Variants in PEBP4 observed in about 807,000 individuals in gnomAD.
The protein encoded by PEBP4 is phosphatidylethanolamine-binding protein 4.
Under a neutral mutation model 23.9 loss-of-function variants are expected in PEBP4, and 22 were observed. That is an observed-to-expected ratio of 0.92 (90% CI 0.66 to 1.31). The LOEUF (loss-of-function observed/expected upper bound fraction) is 1.31, where lower values mean the gene tolerates loss of function less well. Among genes scored for constraint, PEBP4 ranks in the 40% most tolerant of loss-of-function variants. The pLI is 0.00. For missense variants in PEBP4, 324 were observed against 281.7 expected (o/e 1.15, Z -1.07); for synonymous variants, 112 against 99.3 (o/e 1.13, Z -0.76).
chr8:22,832,455 C>G (rs1035802777), intron 3 of PEBP4, among the ~76,000 whole-genome samples: 2 of 152,206 alleles, frequency 1.3e-5, no homozygotes, highest in South Asian at 2.1e-4. Context: ...TCTTGGACTT[C>G]CCAGCCCCTA....
chr8:22,927,691 G>C lies in PEBP4; in HGVS notation c.24C>G (p.Val8=). MGWTMRL[V]TAALLLGLMM... is the part of the protein sequence containing the mutation. ...TGAGACCCAGTAACAGTGCTGCTGTGACCAGCCTCATTGTCCAACCCATGG... is the reference window on the plus strand; with the variant it reads ...TGAGACCCAGTAACAGTGCTGCTGTCACCAGCCTCATTGTCCAACCCATGG... The change falls in exon 2 of 7, where the codon GTC becomes GTG. Residue 8 remains valine (V), a synonymous_variant. Coordinates refer to ENST00000256404, the MANE Select transcript of PEBP4 (RefSeq NM_144962.3). 1 of 1,613,672 alleles carries C rather than the reference G, an allele frequency of 6.2e-7. No individual in the cohort carries two copies.
intron 4 of PEBP4, among the ~76,000 whole-genome samples, chr8:22,787,444 C>G (rs544099512): frequency 6.6e-6 from 1 of 151,342 alleles, no homozygotes; most frequent in Non-Finnish European, 1.5e-5. Context: ...TTGGCAGAGG[C>G]GGGGGAGGGG....
intron 4 of PEBP4, among the ~76,000 whole-genome samples, chr8:22,735,233 G>A (rs1445704656): frequency 1.3e-5 from 2 of 152,206 alleles, no homozygotes. Flanking sequence ...TTAAATAATT[G>A]AGGCCTAGAG....
intron 4 of PEBP4, among the ~76,000 whole-genome samples, chr8:22,812,307 G>A (rs775465532): frequency 1.6e-4 from 25 of 152,180 alleles, no homozygotes; most frequent in Non-Finnish European, 3.4e-4. Flanking sequence ...TTCACCTAAT[G>A]TACTTAGAGG....
intron 2 of PEBP4, chr8:22,924,998 C>T (rs1024317934): frequency 7.1e-6 from 7 of 985,256 alleles, no homozygotes; most frequent in Admixed American, 1.2e-4. Flanking sequence ...AAGAGGAGTG[C>T]CTTCTCTGGG....
chr8:22,781,514 G>A (rs1484674570), intron 4 of PEBP4, among the ~76,000 whole-genome samples: 2 of 152,094 alleles, frequency 1.3e-5, no homozygotes, highest in South Asian at 2.1e-4. Context: ...ACTAGTCACC[G>A]GTGCTAGGGA....
chr8:22,872,291 G>C (rs536458414), intron 3 of PEBP4, among the ~76,000 whole-genome samples: 2 of 152,352 alleles, frequency 1.3e-5, no homozygotes, highest in East Asian at 3.9e-4. Context: ...TAAGTCATGT[G>C]TGTACTGCAC....
At chr8:22,871,799 G>A (rs946344326) in intron 3 of PEBP4, among the ~76,000 whole-genome samples, 1 of 149,094 alleles carries the variant, frequency 6.7e-6, no homozygotes, top group Non-Finnish European at 1.5e-5. Context: ...TGATCCACCC[G>A]CCTCGGCCTC....
chr8:22,939,972 C>T (rs1366810123), intron 1 of PEBP4, among the ~76,000 whole-genome samples: 2 of 152,240 alleles, frequency 1.3e-5, no homozygotes, highest in East Asian at 3.8e-4. Flanking sequence ...TGAATCACTT[C>T]ACCCATGGAA....
intron 4 of PEBP4, among the ~76,000 whole-genome samples, chr8:22,798,890 A>G (rs1806325386): frequency 6.6e-6 from 1 of 150,982 alleles, no homozygotes; most frequent in South Asian, 2.1e-4. Flanking sequence ...GTTGCCCGAC[A>G]CCATGCCCGG....
At chr8:22,747,207 C>T (rs1235557681) in intron 4 of PEBP4, among the ~76,000 whole-genome samples, 1 of 152,216 alleles carries the variant, frequency 6.6e-6, no homozygotes, top group Non-Finnish European at 1.5e-5. Flanking sequence ...TTGAAATAGC[C>T]ACATGCACTT....
chr8:22,736,778 T>C (rs1460834507), intron 4 of PEBP4, among the ~76,000 whole-genome samples: 2 of 152,248 alleles, frequency 1.3e-5, no homozygotes, highest in African/African-American at 4.8e-5. Context: ...GCCTCATTTA[T>C]CTGAAGTCAT....
chr8:22,716,182 C>G (rs1340603200), intron 6 of PEBP4, among the ~76,000 whole-genome samples: 1 of 152,192 alleles, frequency 6.6e-6, no homozygotes, highest in Admixed American at 6.5e-5. Context: ...GGCTGGGACA[C>G]AGAGGCCTGG....
chr8:22,877,973 G>C (rs1808159565), intron 3 of PEBP4: 2 of 152,680 alleles, frequency 1.3e-5, no homozygotes, highest in Non-Finnish European at 2.9e-5. Flanking sequence ...CACGAAGTTG[G>C]TTACTTTCTC....
intron 4 of PEBP4, among the ~76,000 whole-genome samples, chr8:22,732,777 A>G (rs1804766458): frequency 6.6e-6 from 1 of 152,056 alleles, no homozygotes; most frequent in Admixed American, 6.5e-5. Context: ...AATTGCAGAG[A>G]GGAGGGCTCA....
chr8:22,739,392 C>T (rs528706706), intron 4 of PEBP4, among the ~76,000 whole-genome samples: 32 of 152,284 alleles, frequency 2.1e-4, no homozygotes, highest in African/African-American at 4.3e-4. Context: ...CTCCTCAGCC[C>T]GACTCTTATC....
At chr8:22,794,506 A>C (rs1806203214) in intron 4 of PEBP4, among the ~76,000 whole-genome samples, 1 of 152,238 alleles carries the variant, frequency 6.6e-6, no homozygotes, top group South Asian at 2.1e-4. Flanking sequence ...CCTGGTCTCG[A>C]ATTCCTGGCC....
At chr8:22,883,357 TCACCCATTAA>T (rs1808303708) in intron 3 of PEBP4, among the ~76,000 whole-genome samples, 2 of 152,118 alleles carry the variant, frequency 1.3e-5, no homozygotes, top group African/African-American at 4.8e-5. Context: ...CTGCTTTGCA[TCACCCATTAA>T]CACACCCAGA....
At chr8:22,839,747 AG>A (rs1807283444) in intron 3 of PEBP4, among the ~76,000 whole-genome samples, 1 of 152,190 alleles carries the variant, frequency 6.6e-6, no homozygotes, top group Admixed American at 6.5e-5. Context: ...ACAACCTGAC[AG>A]ACCCTCGTGA....
Sources: allele counts gnomAD v4.1 joint callset (sites outside exome capture counted in the v4.1 genomes callset), GRCh38; gene constraint gnomAD v4.1.1; transcripts MANE v1.5; gene names NCBI Gene and HGNC (gene_info 2026-07-23, HGNC 2026-07-21).